Variants in FBXL7 observed in about 807,000 individuals in gnomAD.
FBXL7 encodes the protein F-box/LRR-repeat protein 7.
A neutral mutation model predicts 38.3 loss-of-function variants in FBXL7; 12 were observed. That is an observed-to-expected ratio of 0.31 (90% CI 0.20 to 0.51). The LOEUF is 0.51. FBXL7 is among the 20% of genes least tolerant of loss of function. The pLI is 0.98. For missense variants in FBXL7, 567 were observed against 676.4 expected (o/e 0.84, Z 1.79); for synonymous variants, 297 against 300.9 (o/e 0.99, Z 0.13).
chr5:15,860,292 T>C (rs1739421509), intron 2 of FBXL7, among the ~76,000 whole-genome samples: 1 of 152,214 alleles, frequency 6.6e-6, no homozygotes, highest in Non-Finnish European at 1.5e-5. Flanking sequence ...ATTTATTAAG[T>C]ATGAGAAAAT....
intron 2 of FBXL7, among the ~76,000 whole-genome samples, chr5:15,876,033 A>C (rs1740188157): frequency 1.3e-5 from 2 of 152,250 alleles, no homozygotes; most frequent in Admixed American, 6.5e-5. Flanking sequence ...CTGGATAAAG[A>C]AAATGTGGCA....
chr5:15,561,833 G>A (rs1412573448), intron 1 of FBXL7, among the ~76,000 whole-genome samples: 1 of 151,988 alleles, frequency 6.6e-6, no homozygotes, highest in African/African-American at 2.4e-5. Context: ...AAACAACCTT[G>A]AGAAAGAAAA....
Position 15,744,936 on chromosome 5 carries a change from C to T in FBXL7, c.127+128864C>T, listed in dbSNP as rs376176298. ...TCTCCTGAGAACTCACTCACTATCACGAGAACAACATGAGGGTAACTGCCC... is the reference window on the plus strand; with the variant it reads ...TCTCCTGAGAACTCACTCACTATCATGAGAACAACATGAGGGTAACTGCCC... On this transcript the variant is annotated intron_variant, in intron 2 of 3. Transcript: ENST00000504595. Among the ~76,000 whole-genome samples the T allele has an allele frequency of 4.6e-5, 7 of 152,128 alleles. No individual in the cohort carries two copies. The South Asian group carries it at 6.2e-4, about 13-fold the overall frequency.
intron 2 of FBXL7, among the ~76,000 whole-genome samples, chr5:15,694,935 TAG>T (rs1743288587): frequency 6.6e-6 from 1 of 152,180 alleles, no homozygotes; most frequent in Admixed American, 6.5e-5. Flanking sequence ...AAGGGCCTTG[TAG>T]AGAGCTTCAT....
chr5:15,618,859 G>A (rs192311452), intron 2 of FBXL7, among the ~76,000 whole-genome samples: 2 of 152,306 alleles, frequency 1.3e-5, no homozygotes, highest in African/African-American at 4.8e-5. Flanking sequence ...TAATTCGACT[G>A]AGGGACATAA....
intron 2 of FBXL7, among the ~76,000 whole-genome samples, chr5:15,701,991 A>G (rs567978435): frequency 2.6e-5 from 4 of 152,144 alleles, no homozygotes; most frequent in Non-Finnish European, 5.9e-5. Flanking sequence ...GTAATCCAGC[A>G]CTTTGGGAGA....
chr5:15,705,356 C>T lies in FBXL7; in HGVS notation c.127+89284C>T, dbSNP rs569021360. ...TTAAAGTAATGAATGTGAGGGTAAT[C>T]CATACTCTCCTGAGGGCGAGAATCC... is the stretch of plus-strand genomic sequence containing the variant. On this transcript the variant is annotated intron_variant, in intron 2 of 3. Coordinates refer to ENST00000504595, the MANE Select transcript of FBXL7 (RefSeq NM_012304.5). Among the ~76,000 whole-genome samples the T allele has an allele frequency of 4.7e-4, 72 of 152,274 alleles. No individual in the cohort carries two copies. The Middle Eastern group carries it at 0.01, about 22-fold the overall frequency.
intron 1 of FBXL7, among the ~76,000 whole-genome samples, chr5:15,570,010 T>A (rs1198023845): frequency 6.6e-6 from 1 of 152,164 alleles, no homozygotes; most frequent in Non-Finnish European, 1.5e-5. Context: ...TATTGAGGAT[T>A]TTTGCATCAA....
chr5:15,821,680 A>T (rs891297426), intron 2 of FBXL7, among the ~76,000 whole-genome samples: 1 of 152,204 alleles, frequency 6.6e-6, no homozygotes, highest in Non-Finnish European at 1.5e-5. Flanking sequence ...ACCACTATCC[A>T]TGGCTTACAC....
chr5:15,749,244 C>CAAAAAA (rs70938027), intron 2 of FBXL7, among the ~76,000 whole-genome samples: 50 of 70,092 alleles, frequency 7.1e-4, no homozygotes, highest in African/African-American at 3.0e-3. Context: ...GACTCTGTCT[C>CAAAAAA]AAAAAAAAAA....
At chr5:15,505,701 A>G (rs1456857325) in intron 1 of FBXL7, among the ~76,000 whole-genome samples, 1 of 152,228 alleles carries the variant, frequency 6.6e-6, no homozygotes, top group Non-Finnish European at 1.5e-5. Flanking sequence ...TAGAGCAGGC[A>G]CCATGAGCCT....
At chr5:15,918,691 C>T (rs1008599063) in intron 2 of FBXL7, among the ~76,000 whole-genome samples, 1 of 152,204 alleles carries the variant, frequency 6.6e-6, no homozygotes, top group African/African-American at 2.4e-5. Context: ...TGAGTTCCAC[C>T]ATCCTCGCCA....
At chr5:15,620,179 C>A (rs1740580960) in intron 2 of FBXL7, among the ~76,000 whole-genome samples, 1 of 151,478 alleles carries the variant, frequency 6.6e-6, no homozygotes. Flanking sequence ...GCTACCACTT[C>A]TGCATGATCT....
chr5:15,532,165 T>C (rs536090611), intron 1 of FBXL7, among the ~76,000 whole-genome samples: 1 of 152,368 alleles, frequency 6.6e-6, no homozygotes, highest in South Asian at 2.1e-4. Flanking sequence ...ACGTCTGTCA[T>C]TAACTGTGTA....
intron 2 of FBXL7, among the ~76,000 whole-genome samples, chr5:15,813,399 T>G (rs1026644720): frequency 1.1e-4 from 17 of 152,308 alleles, no homozygotes; most frequent in African/African-American, 3.4e-4. Context: ...CTGGACCCAT[T>G]CTTTACACCT....
At chr5:15,767,440 G>A (rs955138324) in intron 2 of FBXL7, among the ~76,000 whole-genome samples, 1 of 152,162 alleles carries the variant, frequency 6.6e-6, no homozygotes, top group Non-Finnish European at 1.5e-5. Context: ...TCTTTGCGGT[G>A]TGAGGAAGGC....
At chr5:15,537,510 C>G (rs1343437130) in intron 1 of FBXL7, among the ~76,000 whole-genome samples, 1 of 152,214 alleles carries the variant, frequency 6.6e-6, no homozygotes, top group African/African-American at 2.4e-5. Context: ...AGTGGATATT[C>G]TTAGCAAGAG....
intron 2 of FBXL7, among the ~76,000 whole-genome samples, chr5:15,862,490 T>C (rs1407132148): frequency 6.6e-6 from 1 of 152,184 alleles, no homozygotes; most frequent in Non-Finnish European, 1.5e-5. Context: ...ATGTATATTA[T>C]TGTACTGAAT....
intron 2 of FBXL7, among the ~76,000 whole-genome samples, chr5:15,796,382 A>G (rs1023330731): frequency 2.0e-5 from 3 of 152,170 alleles, no homozygotes; most frequent in East Asian, 3.9e-4. Context: ...TACATCATCT[A>G]TGGCTGCTTC....
Sources: allele counts gnomAD v4.1 joint callset (sites outside exome capture counted in the v4.1 genomes callset), GRCh38; gene constraint gnomAD v4.1.1; transcripts MANE v1.5; gene names NCBI Gene and HGNC (gene_info 2026-07-23, HGNC 2026-07-21).